Variants in TPPP observed in about 807,000 individuals in gnomAD.
TPPP encodes tubulin polymerization-promoting protein.
A neutral mutation model predicts 15.5 loss-of-function variants in TPPP; 6 were observed. The observed-to-expected ratio is 0.39, with a 90% CI of 0.21 to 0.77. The LOEUF is 0.77. Ranked by LOEUF, TPPP falls within the 30% of genes least tolerant of loss-of-function variation. TPPP has a pLI of 0.42. For synonymous variants in TPPP, 146 were observed against 133.9 expected (o/e 1.09, Z -0.63); for missense variants, 269 against 307.2 (o/e 0.88, Z 0.93).
chr5:692,811 C>G lies in TPPP; in HGVS notation c.-5+467G>C, dbSNP rs4990983. 889 of 951,150 alleles carry G rather than the reference C, an allele frequency of 9.3e-4. 124 individuals carry two copies. Among genetic ancestry groups the G allele is most frequent in the Non-Finnish European group, 1.1e-3 (870 of 799,510 alleles). The allele number at this position is 951,150 out of a possible 1,614,324, so 58.9% of individuals were successfully genotyped here. ...TCTGTGGCCAGGGATCTCTCAAAACCTGCTGCGGGCAGTGACTTCATTCCA... is the reference window on the plus strand; with the variant it reads ...TCTGTGGCCAGGGATCTCTCAAAACGTGCTGCGGGCAGTGACTTCATTCCA... On this transcript the variant is annotated intron_variant, in intron 1 of 3. Transcript: ENST00000360578.
intron 1 of TPPP, among the ~76,000 whole-genome samples, chr5:688,688 G>A (rs1266478748): frequency 7.1e-6 from 1 of 140,156 alleles, no homozygotes; most frequent in Non-Finnish European, 1.6e-5. Flanking sequence ...CTGGTGGGAG[G>A]TGAGGCTGAG....
intron 1 of TPPP, among the ~76,000 whole-genome samples, chr5:684,826 GC>G (rs1300094100): frequency 6.6e-6 from 1 of 152,202 alleles, no homozygotes; most frequent in Admixed American, 6.5e-5. Flanking sequence ...CTCAGCCCAG[GC>G]CGCCTGTCAG....
upstream of TPPP, among the ~76,000 whole-genome samples, chr5:695,642 C>A (rs1475458650): frequency 2.6e-5 from 4 of 151,754 alleles, no homozygotes; most frequent in East Asian, 5.8e-4. Flanking sequence ...TGGGTGGTGG[C>A]CGCATGGCTC....
chr5:669,316 C>T (rs991937132), intron 2 of TPPP, among the ~76,000 whole-genome samples: 10 of 151,440 alleles, frequency 6.6e-5, no homozygotes, highest in East Asian at 3.9e-4. Context: ...AGCTCTGTGG[C>T]GTGGGGGTCC....
intron 2 of TPPP, among the ~76,000 whole-genome samples, chr5:670,770 C>T (rs1473351856): frequency 6.6e-6 from 1 of 152,190 alleles, no homozygotes; most frequent in Admixed American, 6.5e-5. Flanking sequence ...ATACAGAGGA[C>T]CTAGAGCAAC....
In TPPP at chr5:661,707, G is replaced by A. The variant is rs897323944; in HGVS notation, c.*3395C>T. ...GTTCTGTGTTCGGAGGCGGCACACA[G>A]ATGCAATTACGGATTCCACAGACAA... On this transcript the variant is annotated 3_prime_UTR_variant, in exon 4 of 4. Coordinates refer to ENST00000360578, the MANE Select transcript of TPPP (RefSeq NM_007030.3). 5 of 152,426 alleles carry A rather than the reference G, an allele frequency of 3.3e-5. No homozygotes were observed. The highest frequency in any genetic ancestry group is 1.2e-4 in the African/African-American group (5 of 41,458). The allele number at this position is 152,426 out of a possible 1,614,324, so 9.4% of individuals were successfully genotyped here.
intron 2 of TPPP, among the ~76,000 whole-genome samples, chr5:667,645 T>TG (rs1180353959): frequency 6.6e-6 from 1 of 152,118 alleles, no homozygotes; most frequent in African/African-American, 2.4e-5. Flanking sequence ...CTAGGAGACA[T>TG]GCCTGAGAAA....
In TPPP at chr5:677,870, G is replaced by A; in HGVS notation, c.191C>T (p.Ala64Val). The A allele has an allele frequency of 1.2e-6, 2 of 1,612,820 alleles. No individual in the cohort carries two copies. The highest frequency in any genetic ancestry group is 1.7e-6 in the Non-Finnish European group (2 of 1,179,888). ...GTGCATCTCCCTCCCGGTGGCCCTG[G>A]CGTCCCCGTGCACGGCAAAGCGCCG... Reference protein sequence around the residue: ...AFRRFAVHGDARATGREMHGK... With the variant: ...AFRRFAVHGDVRATGREMHGK... Residue 64 changes from alanine to valine, a missense_variant, in exon 2 of 4, where the codon GCC (alanine) becomes GTC (valine). Coordinates refer to ENST00000360578, the MANE Select transcript of TPPP (RefSeq NM_007030.3).
chr5:696,163 C>A, upstream of TPPP, among the ~76,000 whole-genome samples: 1 of 136,756 alleles, frequency 7.3e-6, no homozygotes, highest in Non-Finnish European at 1.6e-5. Flanking sequence ...GCAGACACAG[C>A]ATGGTGGGTA....
chr5:673,484 C>T (rs999660163), intron 2 of TPPP, among the ~76,000 whole-genome samples: 2 of 152,062 alleles, frequency 1.3e-5, no homozygotes, highest in Non-Finnish European at 2.9e-5. Context: ...GTCAGAATCC[C>T]TTGGCCTCCC....
upstream of TPPP, among the ~76,000 whole-genome samples, chr5:693,698 C>A (rs2452838): frequency 6.7e-6 from 1 of 150,050 alleles, no homozygotes; most frequent in Non-Finnish European, 1.5e-5. Context: ...CCCGATCTCT[C>A]CGCCCCGCAG....
At chr5:671,824 G>T (rs937884200) in intron 2 of TPPP, among the ~76,000 whole-genome samples, 1 of 152,216 alleles carries the variant, frequency 6.6e-6, no homozygotes, top group Non-Finnish European at 1.5e-5. Context: ...GTGCAAGCCC[G>T]GGACAGGGTG....
chr5:679,425 C>T (rs1343670322), intron 1 of TPPP, among the ~76,000 whole-genome samples: 3 of 107,594 alleles, frequency 2.8e-5, no homozygotes, highest in Admixed American at 9.6e-5. Context: ...GTGGAAGGGC[C>T]GCCTGGGGGC....
At chr5:666,181 C>T (rs967095191) in intron 2 of TPPP, 58 bp from the exon 3 acceptor site, 3 of 1,582,866 alleles carry the variant, frequency 1.9e-6, no homozygotes, top group South Asian at 2.3e-5. Context: ...CTGCCCTCCC[C>T]ACGCGTGGGT....
chr5:698,231 G>A (rs549887770), upstream of TPPP, among the ~76,000 whole-genome samples: 1 of 152,106 alleles, frequency 6.6e-6, no homozygotes, highest in South Asian at 2.1e-4. Context: ...AAAGTTGAAA[G>A]TATTCCTTCT....
intron 3 of TPPP, 174 bp from the exon 4 acceptor site, chr5:665,470 C>A (rs1366343827): frequency 1.5e-6 from 1 of 665,240 alleles, no homozygotes; most frequent in Non-Finnish European, 2.5e-6. Context: ...GACCCTGGGG[C>A]AGCCTTGGGC....
At chr5:667,895 T>C (rs60018630) in intron 2 of TPPP, among the ~76,000 whole-genome samples, 4,791 of 32,192 alleles carry the variant, frequency 0.15, 661 homozygotes, top group African/African-American at 0.39. Flanking sequence ...GAGGGGGCCG[T>C]GTGGGCGCCG....
At chr5:669,395 T>A (rs1445832799) in intron 2 of TPPP, among the ~76,000 whole-genome samples, 2 of 152,134 alleles carry the variant, frequency 1.3e-5, no homozygotes, top group Non-Finnish European at 2.9e-5. Context: ...CCTGTGGTGC[T>A]AGAAGAGCCA....
chr5:673,181 A>G (rs1477278147), intron 2 of TPPP, among the ~76,000 whole-genome samples: 1 of 152,086 alleles, frequency 6.6e-6, no homozygotes, highest in Non-Finnish European at 1.5e-5. Flanking sequence ...GCCCGCCGCC[A>G]CCACCCCTTG....
Sources: allele counts gnomAD v4.1 joint callset (sites outside exome capture counted in the v4.1 genomes callset), GRCh38; gene constraint gnomAD v4.1.1; transcripts MANE v1.5; gene names NCBI Gene and HGNC (gene_info 2026-07-23, HGNC 2026-07-21).